Variants in LPAR1 observed in about 807,000 individuals in gnomAD.
The protein encoded by LPAR1 is lysophosphatidic acid receptor 1, also known as LPA receptor 1.
In LPAR1, 5 loss-of-function variants were observed where a neutral mutation model predicts 23.8. The observed-to-expected ratio is 0.21, with a 90% CI of 0.11 to 0.44. LPAR1 has a LOEUF of 0.44. Ranked by LOEUF, LPAR1 falls within the 20% of genes least tolerant of loss-of-function variation. The probability of loss-of-function intolerance (pLI) is 0.99; values close to 1 mark genes in which losing one functional copy is unlikely to be tolerated. For synonymous variants in LPAR1, 160 were observed against 164.7 expected (o/e 0.97, Z 0.22); for missense variants, 311 against 482.8 (o/e 0.64, Z 3.33).
intron 4 of LPAR1, among the ~76,000 whole-genome samples, chr9:110,961,735 A>G (rs780795990): frequency 2.0e-5 from 3 of 152,132 alleles, no homozygotes; most frequent in African/African-American, 4.8e-5. Context: ...GCAAAGGCAC[A>G]TCGTACATGG....
intron 5 of LPAR1, among the ~76,000 whole-genome samples, chr9:110,926,368 T>C (rs1262294378): frequency 6.6e-6 from 1 of 152,232 alleles, no homozygotes; most frequent in African/African-American, 2.4e-5. Context: ...TGCAGACACA[T>C]ACAATTGTAT....
chr9:111,002,587 T>C (rs957355258), intron 2 of LPAR1, among the ~76,000 whole-genome samples: 1 of 152,278 alleles, frequency 6.6e-6, no homozygotes, highest in East Asian at 1.9e-4. Context: ...GAATGTAAAC[T>C]AATAATGGGA....
intron 5 of LPAR1, among the ~76,000 whole-genome samples, chr9:110,891,362 T>C (rs2084112912): frequency 6.6e-6 from 1 of 152,210 alleles, no homozygotes; most frequent in Non-Finnish European, 1.5e-5. Context: ...TACCATATTC[T>C]TGAAGGGGAA....
At chr9:110,917,069 G>A (rs796211028) in intron 5 of LPAR1, among the ~76,000 whole-genome samples, 52 of 151,990 alleles carry the variant, frequency 3.4e-4, no homozygotes, top group African/African-American at 7.0e-4. Context: ...CGGGTACAGC[G>A]GCTCACGGCT....
In LPAR1 at chr9:111,009,765, TTC is replaced by T. The variant is rs1362654177; in HGVS notation, c.-182+26355_-182+26356del. Among the ~76,000 whole-genome samples, 8 of 151,886 alleles carry T rather than the reference TTC, an allele frequency of 5.3e-5. No homozygotes were observed. In the East Asian group the frequency reaches 1.5e-3, roughly 29 times the overall value. On this transcript the variant is annotated intron_variant, in intron 2 of 5. Transcript: ENST00000683809. ...TGTTAACAGCTGCTATTTCTAGTTT[TTC>T]AGAATTTGCATGATTTGGATGATTT... is the stretch of plus-strand genomic sequence containing the variant.
intron 4 of LPAR1, among the ~76,000 whole-genome samples, chr9:110,953,881 C>T (rs111795783): frequency 3.3e-5 from 5 of 151,742 alleles, no homozygotes; most frequent in African/African-American, 4.8e-5. Context: ...TATCAACATG[C>T]GAACAAAAGA....
intron 2 of LPAR1, among the ~76,000 whole-genome samples, chr9:110,981,426 G>T (rs1029764947): frequency 1.3e-5 from 2 of 151,908 alleles, no homozygotes; most frequent in Non-Finnish European, 2.9e-5. Context: ...TATAAGAATT[G>T]AATTGATTAA....
At chr9:110,886,080 C>T (rs534689) in intron 5 of LPAR1, among the ~76,000 whole-genome samples, 2 of 152,146 alleles carry the variant, frequency 1.3e-5, no homozygotes, top group African/African-American at 4.8e-5. Context: ...TGCCTGTAAT[C>T]TCAGCCACTC....
intron 2 of LPAR1, among the ~76,000 whole-genome samples, chr9:111,028,337 C>T (rs1178683374): frequency 1.3e-5 from 2 of 152,084 alleles, no homozygotes; most frequent in Non-Finnish European, 2.9e-5. Context: ...CCCACCTTGG[C>T]CTCCCAAAGT....
intron 2 of LPAR1, among the ~76,000 whole-genome samples, chr9:111,003,329 C>T (rs1265095097): frequency 6.6e-6 from 1 of 152,110 alleles, no homozygotes; most frequent in Non-Finnish European, 1.5e-5. Context: ...AGCCAGAACA[C>T]TCCACGGTAA....
rs569025691 is a variant in LPAR1, at chr9:110,929,234, C to G, written c.793+12187G>C. On this transcript the variant is annotated intron_variant, in intron 5 of 5. Transcript: ENST00000683809. ...GCCAGGGTTTAAGTAAAGCCATGAC[C>G]ACATTCAGTCTAGACACTATCATCT... Among the ~76,000 whole-genome samples the G allele has an allele frequency of 1.6e-4, 24 of 152,194 alleles. 1 individual carries two copies. In the South Asian group the frequency reaches 5.0e-3, roughly 32 times the overall value.
chr9:110,891,413 T>A (rs2084131256), intron 5 of LPAR1, among the ~76,000 whole-genome samples: 1 of 152,190 alleles, frequency 6.6e-6, no homozygotes, highest in Admixed American at 6.5e-5. Flanking sequence ...CAAAATTAGT[T>A]TGTATATTAA....
intron 5 of LPAR1, among the ~76,000 whole-genome samples, chr9:110,916,056 T>C (rs994442889): frequency 6.6e-6 from 1 of 152,160 alleles, no homozygotes; most frequent in Non-Finnish European, 1.5e-5. Flanking sequence ...GAAACTTGAG[T>C]ATGATATCAA....
At chr9:111,013,815 A>G (rs2097382645) in intron 2 of LPAR1, among the ~76,000 whole-genome samples, 1 of 152,158 alleles carries the variant, frequency 6.6e-6, no homozygotes, top group African/African-American at 2.4e-5. Context: ...AAACAACTCA[A>G]TCATCAAGCA....
At chr9:110,968,104 G>A (rs987643417) in intron 4 of LPAR1, among the ~76,000 whole-genome samples, 4 of 152,136 alleles carry the variant, frequency 2.6e-5, no homozygotes, top group African/African-American at 9.7e-5. Flanking sequence ...TATTTCAAAG[G>A]CTGGGACCAT....
chr9:110,987,550 A>G (rs1209764168), intron 2 of LPAR1, among the ~76,000 whole-genome samples: 1 of 151,634 alleles, frequency 6.6e-6, no homozygotes, highest in Admixed American at 6.6e-5. Flanking sequence ...CTGGCTCTAC[A>G]TGAATTAAAC....
At chr9:110,931,582 A>G (rs1216640652) in intron 5 of LPAR1, among the ~76,000 whole-genome samples, 1 of 152,150 alleles carries the variant, frequency 6.6e-6, no homozygotes, top group Non-Finnish European at 1.5e-5. Context: ...TGTTTTAGAC[A>G]TGAAGTCCTT....
chr9:111,031,875 C>T (rs1459892398), intron 2 of LPAR1, among the ~76,000 whole-genome samples: 1 of 152,162 alleles, frequency 6.6e-6, no homozygotes, highest in Non-Finnish European at 1.5e-5. Context: ...GGCCAACTCA[C>T]CTCAAAGTAT....
At chr9:111,013,276 A>G (rs1328411043) in intron 2 of LPAR1, among the ~76,000 whole-genome samples, 2 of 152,178 alleles carry the variant, frequency 1.3e-5, no homozygotes, top group Non-Finnish European at 2.9e-5. Flanking sequence ...TCCTACCACA[A>G]AACTAAATCT....
Sources: gnomAD v4.1 joint callset for allele counts (sites outside exome capture counted in the v4.1 genomes callset) on GRCh38, gnomAD v4.1.1 for gene constraint, MANE v1.5 for transcripts, NCBI Gene and HGNC (gene_info 2026-07-23, HGNC 2026-07-21) for gene names.